SLC6A9: variants seen among roughly 807,000 people sequenced by gnomAD.
The protein encoded by SLC6A9 is solute carrier family 6 member 9, also known as sodium- and chloride-dependent glycine transporter 1.
A neutral mutation model predicts 70.9 loss-of-function variants in SLC6A9; 31 were observed. The ratio of observed to expected loss-of-function variants is 0.44; its 90% CI spans 0.33 to 0.59. The LOEUF (loss-of-function observed/expected upper bound fraction) is 0.59. Ranked by LOEUF, SLC6A9 falls within the 20% of genes least tolerant of loss-of-function variation. The probability of loss-of-function intolerance (pLI) is 0.04; values close to 1 mark genes in which losing one functional copy is unlikely to be tolerated. For missense variants in SLC6A9, 631 were observed against 845.2 expected (o/e 0.75, Z 3.14); for synonymous variants, 310 against 341.3 (o/e 0.91, Z 1.01).
At chr1:44,023,692 C>T (rs1189392303) in intron 2 of SLC6A9, among the ~76,000 whole-genome samples, 2 of 151,872 alleles carry the variant, frequency 1.3e-5, no homozygotes, top group Non-Finnish European at 2.9e-5. Context: ...CTCTGTGTCT[C>T]GTGGCCTCAC....
chr1:44,008,234 C>T (rs1007325675), intron 5 of SLC6A9, 119 bp downstream of exon 5: 7 of 988,328 alleles, frequency 7.1e-6, no homozygotes, highest in Non-Finnish European at 1.1e-5. Flanking sequence ...TCTACCCTCT[C>T]CCAGCCCAGC....
chr1:44,004,751 G>C (rs1364087726), intron 5 of SLC6A9, among the ~76,000 whole-genome samples: 1 of 152,188 alleles, frequency 6.6e-6, no homozygotes, highest in Admixed American at 6.5e-5. Context: ...TATTTTTAGG[G>C]CATCATATTC....
chr1:44,007,498 C>T (rs974262583), intron 5 of SLC6A9, among the ~76,000 whole-genome samples: 1 of 152,256 alleles, frequency 6.6e-6, no homozygotes, highest in Admixed American at 6.5e-5. Flanking sequence ...AGACTCTGGT[C>T]TCTGTCGCCT....
At chr1:44,017,634 C>T (rs1416206124) in intron 2 of SLC6A9, among the ~76,000 whole-genome samples, 1 of 152,210 alleles carries the variant, frequency 6.6e-6, no homozygotes, top group Non-Finnish European at 1.5e-5. Flanking sequence ...CGGAGGGGTG[C>T]GGGCTGGGAG....
chr1:44,011,026 C>T lies in SLC6A9; in HGVS notation c.31-144G>A. ...TCTGCTGGCAGGAGCTTCAGGCAGGCCTGGCAAAGGAGGGAAGCAGAGAGT... is the reference window on the plus strand; with the variant it reads ...TCTGCTGGCAGGAGCTTCAGGCAGGTCTGGCAAAGGAGGGAAGCAGAGAGT... On this transcript the variant is annotated intron_variant, in intron 2 of 13. Coordinates refer to ENST00000372310, the MANE Select transcript of SLC6A9 (RefSeq NM_001024845.3). 7.1e-6 allele frequency: 6 copies of T among 843,840 alleles called. 1 individual carries two copies. In the South Asian group the frequency reaches 9.7e-5, roughly 14 times the overall value. 52.3% of individuals were successfully genotyped at this position (843,840 alleles called of 1,614,324 possible). A position where few individuals can be genotyped will look rare whatever the true frequency, so the allele number is the denominator to read the frequency against.
rs1278233271 is a variant in SLC6A9 at position 44,018,935 on chromosome 1, A to C, written c.30+5313T>G. Among the ~76,000 whole-genome samples the C allele has an allele frequency of 6.6e-6, 1 of 152,226 alleles. No homozygotes were observed. Among genetic ancestry groups the C allele is most frequent in the Non-Finnish European group, 1.5e-5 (1 of 68,040 alleles). ...ACAAAGTGAGACCTTGTTTCAAAAA[A>C]TTAATAAAAAATAAATTTTAAAATA... On this transcript the variant is annotated intron_variant, in intron 2 of 13. Transcript: ENST00000372310. The surrounding 1 kb of genome is among the most constrained non-coding windows in gnomAD (Gnocchi z 4.2).
At chr1:44,005,540 G>A (rs530602663) in intron 5 of SLC6A9, among the ~76,000 whole-genome samples, 1 of 152,180 alleles carries the variant, frequency 6.6e-6, no homozygotes, top group Non-Finnish European at 1.5e-5. Context: ...GGTCATTGGA[G>A]AGTGTGGACT....
rs560460657 is a variant in SLC6A9, at chr1:44,000,988, C to G, written c.1403G>C (p.Cys468Ser). ...AASFSLVVIS[C>S]IMCVAIMYIY... ...GTACATGATGGCCACACACATGATGCAGGAGATGACCACCAAGGAGAAGCT... is the reference window on the plus strand; with the variant it reads ...GTACATGATGGCCACACACATGATGGAGGAGATGACCACCAAGGAGAAGCT... Residue 468 changes from cysteine (C) to serine (S), a missense_variant, in exon 11 of 14, where the codon TGC becomes TCC. Transcript: ENST00000372310. 5 of 1,590,180 alleles carry G rather than the reference C, an allele frequency of 3.1e-6. No homozygotes were observed. The South Asian group carries it at 3.4e-5, about 11-fold the overall frequency.
chr1:44,011,989 G>C (rs902815655), intron 2 of SLC6A9, among the ~76,000 whole-genome samples: 1 of 152,202 alleles, frequency 6.6e-6, no homozygotes, highest in Non-Finnish European at 1.5e-5. Context: ...TCACTAAGGA[G>C]ACAGGGGCTC....
chr1:44,024,166 G>A, intron 2 of SLC6A9, 82 bp downstream of exon 2: 5 of 1,440,410 alleles, frequency 3.5e-6, no homozygotes, highest in Non-Finnish European at 4.9e-6. Flanking sequence ...GCCTTCCTAA[G>A]CCTTCCAAGC....
chr1:44,009,020 T>TC (rs2154305714), intron 4 of SLC6A9, among the ~76,000 whole-genome samples: 1 of 80,282 alleles, frequency 1.2e-5, no homozygotes, highest in Non-Finnish European at 2.3e-5. Context: ...GCGCCCGGCC[T>TC]TTTTTTTTTT....
At chr1:44,031,208 GTCC>G (rs2087112769) in intron 1 of SLC6A9, 95 bp downstream of exon 1, 1 of 150,480 alleles carries the variant, frequency 6.6e-6, no homozygotes, top group Admixed American at 6.6e-5. Context: ...GCACACGCTG[GTCC>G]TGGGGCTCAG....
Position 44,013,041 on chromosome 1 carries a change from T to C in SLC6A9, c.31-2159A>G, listed in dbSNP as rs2086626859. 6.6e-6 allele frequency among the ~76,000 whole-genome samples: 1 copy of C among 152,218 alleles called. No homozygotes were observed. Among genetic ancestry groups the C allele is most frequent in the Non-Finnish European group, 1.5e-5 (1 of 68,032 alleles). ...TATGTTGACCCTACAATACCAGTTT[T>C]ATTCTGTCCCAGGGTTGTTTACTTA... On this transcript the variant is annotated intron_variant, in intron 2 of 13. Transcript: ENST00000372310. The surrounding 1 kb of genome is among the most constrained non-coding windows in gnomAD (Gnocchi z 5.3).
intron 2 of SLC6A9, among the ~76,000 whole-genome samples, chr1:44,012,329 G>C (rs1431244595): frequency 1.3e-5 from 2 of 152,232 alleles, no homozygotes. Context: ...AGGCACCAAG[G>C]CCTGATGGGT....
rs774564562 is a variant in SLC6A9, at chr1:43,997,649, A to AG, written c.1797dup (p.Ser600LeufsTer3). ...TGGACCTCGAAGCCGTCCTCAGGAG[A>AG]GGGGGCTATGGTGGGGGCGTAGCGC... On this transcript the variant is annotated frameshift_variant, in exon 14 of 14. Coordinates refer to ENST00000372310, the MANE Select transcript of SLC6A9 (RefSeq NM_001024845.3). LOFTEE classifies it high-confidence loss of function. This position sits in a 1 kb window ranked among gnomAD's most constrained non-coding sequence, Gnocchi z 4.4. 6.8e-6 allele frequency: 11 copies of AG among 1,613,696 alleles called. No individual in the cohort carries two copies. Among genetic ancestry groups the AG allele is most frequent in the Non-Finnish European group, 7.6e-6 (9 of 1,179,914 alleles).
At chr1:44,000,493 G>C (rs561981933) in intron 12 of SLC6A9, among the ~76,000 whole-genome samples, 4 of 152,230 alleles carry the variant, frequency 2.6e-5, no homozygotes, top group Non-Finnish European at 5.9e-5. Flanking sequence ...CTGAGTCCCC[G>C]GGGGTGCCAG....
chr1:44,008,864 C>T (rs572515770), intron 4 of SLC6A9, among the ~76,000 whole-genome samples: 11 of 151,454 alleles, frequency 7.3e-5, no homozygotes, highest in African/African-American at 2.2e-4. Context: ...GGACTACAGG[C>T]GCCCACCACC....
chr1:44,012,038 G>A (rs1422038711), intron 2 of SLC6A9, among the ~76,000 whole-genome samples: 1 of 152,204 alleles, frequency 6.6e-6, no homozygotes, highest in African/African-American at 2.4e-5. Flanking sequence ...CTTAGTGCCA[G>A]AGACAGCCTC....
chr1:44,029,043 G>A (rs1240003452), intron 1 of SLC6A9, among the ~76,000 whole-genome samples: 3 of 152,208 alleles, frequency 2.0e-5, no homozygotes, highest in East Asian at 3.9e-4. Flanking sequence ...GAATGCTGGT[G>A]AGGCTGCAGG....
Sources: gnomAD v4.1 joint callset for allele counts (sites outside exome capture counted in the v4.1 genomes callset) on GRCh38, gnomAD v4.1.1 for gene constraint, Gnocchi (gnomAD v3.1) non-coding constraint, MANE v1.5 for transcripts, NCBI Gene and HGNC (gene_info 2026-07-23, HGNC 2026-07-21) for gene names.